The following PPP1R12B variants were observed in gnomAD, a reference collection of about 807,000 sequenced individuals.
PPP1R12B encodes the protein myosin phosphatase target subunit 2.
In PPP1R12B, 76 loss-of-function variants were observed where a neutral mutation model predicts 126.1. The observed-to-expected ratio is 0.60, with a 90% CI of 0.50 to 0.73. The LOEUF (loss-of-function observed/expected upper bound fraction) is 0.73. Ranked by LOEUF, PPP1R12B falls within the 30% of genes least tolerant of loss-of-function variation. The pLI, the probability that PPP1R12B is intolerant of heterozygous loss-of-function variation, is 0.00. For missense variants in PPP1R12B, 1,052 were observed against 1,205.1 expected (o/e 0.87, Z 1.88); for synonymous variants, 356 against 434.7 (o/e 0.82, Z 2.25).
At chr1:202,522,110 T>C (rs1682848901) in intron 18 of PPP1R12B, among the ~76,000 whole-genome samples, 1 of 152,022 alleles carries the variant, frequency 6.6e-6, no homozygotes, top group Admixed American at 6.6e-5. Flanking sequence ...ATATACAGAG[T>C]GGGAGCAAAA....
chr1:202,490,296 C>T (rs1275715746), intron 14 of PPP1R12B, among the ~76,000 whole-genome samples: 1 of 152,118 alleles, frequency 6.6e-6, no homozygotes, highest in Non-Finnish European at 1.5e-5. Context: ...GCAAATTTCA[C>T]CACTGGAAAA....
At chr1:202,444,394 A>G (rs527696975) in intron 12 of PPP1R12B, among the ~76,000 whole-genome samples, 95 of 152,350 alleles carry the variant, frequency 6.2e-4, no homozygotes, top group African/African-American at 2.1e-3. Flanking sequence ...GTCTTCAATC[A>G]AAACAAATAC....
chr1:202,524,491 A>G (rs575567096), intron 18 of PPP1R12B, among the ~76,000 whole-genome samples: 21 of 152,182 alleles, frequency 1.4e-4, no homozygotes, highest in African/African-American at 4.3e-4. Context: ...ACTGTACCCA[A>G]TGTGTAGTCT....
chr1:202,349,210 C>A, intron 1 of PPP1R12B, 68 bp downstream of exon 1: 1 of 1,568,226 alleles, frequency 6.4e-7, no homozygotes, highest in Non-Finnish European at 8.6e-7. Context: ...TGCGAGCCAC[C>A]CCATGGGGAG....
At chr1:202,550,954 G>T (rs535829547) in intron 18 of PPP1R12B, among the ~76,000 whole-genome samples, 1 of 152,316 alleles carries the variant, frequency 6.6e-6, no homozygotes, top group East Asian at 1.9e-4. Flanking sequence ...CAGAAGCTGG[G>T]AATATTCACA....
intron 18 of PPP1R12B, among the ~76,000 whole-genome samples, chr1:202,547,135 T>C (rs1449677534): frequency 1.3e-5 from 2 of 152,166 alleles, no homozygotes; most frequent in African/African-American, 2.4e-5. Context: ...GTGTGACAAA[T>C]ACCTAAGCTG....
intron 13 of PPP1R12B, among the ~76,000 whole-genome samples, chr1:202,479,522 C>T (rs188058112): frequency 8.6e-4 from 131 of 152,272 alleles, no homozygotes; most frequent in African/African-American, 3.0e-3. Flanking sequence ...ACAAGATTTT[C>T]GTAGTCTCAT....
intron 23 of PPP1R12B, among the ~76,000 whole-genome samples, 163 bp downstream of exon 23, chr1:202,569,360 T>C (rs995603199): frequency 6.6e-6 from 1 of 152,210 alleles, no homozygotes; most frequent in African/African-American, 2.4e-5. Context: ...AGCCATTTCC[T>C]AGGCTCTCTC....
intron 18 of PPP1R12B, among the ~76,000 whole-genome samples, chr1:202,506,805 A>C (rs754226830): frequency 3.1e-4 from 47 of 152,234 alleles, no homozygotes; most frequent in African/African-American, 9.9e-4. Context: ...AAATTCATGA[A>C]GTATAGAAAA....
At position 202,581,762 on chromosome 1, in the gene PPP1R12B, G is replaced by A. The variant is rs1427856452; in HGVS notation, c.*1202G>A. 1 of 152,230 alleles carries A rather than the reference G, an allele frequency of 6.6e-6. No individual in the cohort carries two copies. The highest frequency in any genetic ancestry group is 1.5e-5 in the Non-Finnish European group (1 of 68,048). The allele number at this position is 152,230 out of a possible 1,614,324, so 9.4% of individuals were successfully genotyped here. ...AGCAGCCTACTGGGCTGTGAGAATA[G>A]TGGTGAATTTGATTATTTCCAGTGG... On this transcript the variant is annotated 3_prime_UTR_variant, in exon 24 of 24. Coordinates refer to ENST00000608999, the MANE Select transcript of PPP1R12B (RefSeq NM_002481.4).
intron 18 of PPP1R12B, chr1:202,502,147 T>A (rs1680300262): frequency 1.0e-6 from 1 of 985,256 alleles, no homozygotes; most frequent in African/African-American, 1.7e-5. Context: ...GCAATGTAGC[T>A]GTCCCCATCC....
chr1:202,502,030 G>A lies in PPP1R12B; in HGVS notation c.2490+5208G>A, dbSNP rs1045182087. On this transcript the variant is annotated intron_variant, in intron 18 of 23. Coordinates refer to ENST00000608999, the MANE Select transcript of PPP1R12B (RefSeq NM_002481.4). Reference sequence around the variant, plus strand: ...GGTGGGTAGTTATGTATGTCAGGAAGTAAGACTTTTCATACTTTTCTTTTC... The same window carrying A: ...GGTGGGTAGTTATGTATGTCAGGAAATAAGACTTTTCATACTTTTCTTTTC... 17 of 985,014 alleles carry A rather than the reference G, an allele frequency of 1.7e-5. No homozygotes were observed. In the African/African-American group the frequency reaches 1.7e-4, roughly 10 times the overall value. 61.0% of individuals were successfully genotyped at this position (985,014 alleles called of 1,614,324 possible).
At chr1:202,458,874 A>T (rs1254552784) in intron 13 of PPP1R12B, among the ~76,000 whole-genome samples, 1 of 152,232 alleles carries the variant, frequency 6.6e-6, no homozygotes, top group African/African-American at 2.4e-5. Context: ...GCATTGGGAT[A>T]AATGGGGCTT....
At chr1:202,541,003 G>T (rs1685066554) in intron 18 of PPP1R12B, among the ~76,000 whole-genome samples, 1 of 152,198 alleles carries the variant, frequency 6.6e-6, no homozygotes, top group African/African-American at 2.4e-5. Context: ...ATCTGATTTA[G>T]TGTCTTCCTC....
intron 18 of PPP1R12B, among the ~76,000 whole-genome samples, chr1:202,538,129 G>A (rs1388170246): frequency 3.3e-5 from 5 of 152,184 alleles, no homozygotes; most frequent in Non-Finnish European, 7.3e-5. Flanking sequence ...TAGTAGCTGG[G>A]ACTACAGGTG....
intron 19 of PPP1R12B, among the ~76,000 whole-genome samples, chr1:202,561,005 A>C (rs1028300004): frequency 7.9e-5 from 12 of 151,696 alleles, no homozygotes; most frequent in East Asian, 7.7e-4. Flanking sequence ...TAAAACTTAA[A>C]GTATAATAAT....
chr1:202,399,970 A>G (rs1020299580), intron 1 of PPP1R12B, among the ~76,000 whole-genome samples: 5 of 151,836 alleles, frequency 3.3e-5, no homozygotes, highest in Non-Finnish European at 7.4e-5. Flanking sequence ...GTAGTACCCA[A>G]TAGTTAGTTT....
intron 1 of PPP1R12B, among the ~76,000 whole-genome samples, chr1:202,406,009 G>A (rs192880598): frequency 1.3e-5 from 2 of 152,234 alleles, no homozygotes; most frequent in East Asian, 3.9e-4. Flanking sequence ...TAATTTCTTT[G>A]TGGCATTCAC....
At position 202,580,842 on chromosome 1, in the gene PPP1R12B, A is replaced by G; in HGVS notation, c.*282A>G. ...ATGCTCTGGGGAGTACACCAGGCTC[A>G]GCTGTGGACCCCTCAACTTCCTGCT... On this transcript the variant is annotated 3_prime_UTR_variant, in exon 24 of 24. Coordinates refer to ENST00000608999, the MANE Select transcript of PPP1R12B (RefSeq NM_002481.4). 2.8e-6 allele frequency: 1 copy of G among 354,336 alleles called. No individual in the cohort carries two copies. 21.9% of individuals were successfully genotyped at this position (354,336 alleles called of 1,614,324 possible). A position where few individuals can be genotyped will look rare whatever the true frequency, so the allele number is the denominator to read the frequency against.
Sources: allele counts gnomAD v4.1 joint callset (sites outside exome capture counted in the v4.1 genomes callset), GRCh38; gene constraint gnomAD v4.1.1; transcripts MANE v1.5; gene names NCBI Gene and HGNC (gene_info 2026-07-23, HGNC 2026-07-21).